The following IDNK variants were observed in gnomAD, a reference collection of about 807,000 sequenced individuals.
IDNK encodes the protein IDNK gluconokinase, also known as gluconokinase.
IDNK carries 9 observed loss-of-function variants against 13.0 expected under a neutral mutation model. The ratio of observed to expected loss-of-function variants is 0.69; its 90% confidence interval spans 0.42 to 1.21. IDNK has a LOEUF of 1.21. Among genes scored for constraint, IDNK ranks in the 50% most tolerant of loss-of-function variants. The pLI, the probability that IDNK is intolerant of heterozygous loss-of-function variation, is 0.00. For synonymous variants in IDNK, 92 were observed against 94.9 expected, an observed-to-expected ratio of 0.97 and a Z score of 0.18; for missense variants, 210 against 237.8, an observed-to-expected ratio of 0.88 and a Z score of 0.77.
Position 83,628,190 on chromosome 9 carries a change from G to A in IDNK, c.60G>A (p.Val20=). ...MGVSGSGKST[V]GALLASELGW... Reference sequence around the variant, plus strand: ...TGTGTCCTCTCCACAGATCCACCGTGGGCGCCCTGCTGGCATCTGAGGTTA... The same window carrying A: ...TGTGTCCTCTCCACAGATCCACCGTAGGCGCCCTGCTGGCATCTGAGGTTA... Residue 20 remains valine (V), a synonymous_variant, in exon 2 of 5, where the codon GTG becomes GTA. Coordinates refer to ENST00000376419, the MANE Select transcript of IDNK (RefSeq NM_001001551.4). 6.4e-7 allele frequency: 1 copy of A among 1,550,578 alleles called. No homozygotes were observed. The highest frequency in any genetic ancestry group is 1.2e-5 in the South Asian group (1 of 84,066).
chr9:83,643,454 G>T lies in IDNK; in HGVS notation c.238G>T (p.Val80Phe). 1.2e-6 allele frequency: 2 copies of T among 1,612,400 alleles called. No homozygotes were observed. Among genetic ancestry groups the T allele is most frequent in the South Asian group, 1.1e-5 (1 of 90,942 alleles). Residue 80 changes from valine (V) to phenylalanine (F), a missense_variant, in exon 5 of 5, where the codon GTT becomes TTT. By Grantham distance (50) the Val-to-Phe change is conservative. Coordinates refer to ENST00000376419, the MANE Select transcript of IDNK (RefSeq NM_001001551.4). Reference protein sequence around the residue: ...LRDVASGQRVVLACSALKKTY... With the variant: ...LRDVASGQRVFLACSALKKTY... The stretch of plus-strand genomic sequence containing the variant: ...AGATGTAGCCTCGGGACAGCGTGTG[G>T]TTCTAGCCTGTTCAGCCCTGAAGAA...
At chr9:83,642,525 CTTCA>C (rs1831339268) in intron 4 of IDNK, among the ~76,000 whole-genome samples, 2 of 148,544 alleles carry the variant, frequency 1.3e-5, no homozygotes, top group Admixed American at 6.7e-5. Context: ...AGGAGTATGG[CTTCA>C]TTTTTATATT....
intron 1 of IDNK, 45 bp from the exon 2 acceptor site, chr9:83,628,136 A>G: frequency 6.5e-7 from 1 of 1,550,228 alleles, no homozygotes. Flanking sequence ...GAAGCTCCAC[A>G]CATTGGGCAG....
intron 1 of IDNK, 94 bp downstream of exon 1, chr9:83,623,315 C>CCCCAAGACCCCAG: frequency 2.6e-6 from 3 of 1,149,380 alleles, no homozygotes; most frequent in Non-Finnish European, 2.3e-6. Context: ...GGACTGGGGT[C>CCCCAAGACCCCAG]TTGGGGACCC....
Position 83,632,992 on chromosome 9 carries a change from G to A in IDNK, c.168+4033G>A, listed in dbSNP as rs1295586033. Among the ~76,000 whole-genome samples, 7 of 152,298 alleles carry A rather than the reference G, an allele frequency of 4.6e-5. No homozygotes were observed. In the East Asian group the frequency reaches 9.6e-4, roughly 21 times the overall value. On this transcript the variant is annotated intron_variant, in intron 3 of 4. Transcript: ENST00000376419. ...CCACACTCCTTAGCAGGCCAGTCAA[G>A]GTCTTGAAATTATCTTTATCTTTTA...
intron 3 of IDNK, among the ~76,000 whole-genome samples, chr9:83,640,520 G>A (rs577043187): frequency 3.3e-5 from 5 of 152,242 alleles, no homozygotes; most frequent in South Asian, 2.1e-4. Context: ...GGGGGCATAC[G>A]TATAACAAGA....
At chr9:83,634,360 T>G (rs1831109263) in intron 3 of IDNK, among the ~76,000 whole-genome samples, 1 of 152,240 alleles carries the variant, frequency 6.6e-6, no homozygotes, top group South Asian at 2.1e-4. Flanking sequence ...TTATTATGGC[T>G]TTCATAGTTG....
Position 83,623,236 on chromosome 9 carries a change from G to C in IDNK, c.50+15G>C, listed in dbSNP as rs1449077591. The C allele has an allele frequency of 2.9e-6, 4 of 1,388,252 alleles. No homozygotes were observed. Among genetic ancestry groups the C allele is most frequent in the East Asian group, 6.2e-5 (2 of 32,400 alleles). The allele number at this position is 1,388,252 out of a possible 1,614,324, so 86.0% of individuals were successfully genotyped here. A position where few individuals can be genotyped will look rare whatever the true frequency, so the allele number is the denominator to read the frequency against. On this transcript the variant is annotated intron_variant, in intron 1 of 4. Coordinates refer to ENST00000376419, the MANE Select transcript of IDNK (RefSeq NM_001001551.4). ...GGCTCGGGGAAGTAGGTCCGGGAGA[G>C]GGCGGGGGGCGCCCGGGACAAGTGT...
At chr9:83,633,367 C>T (rs1395971823) in intron 3 of IDNK, among the ~76,000 whole-genome samples, 1 of 152,150 alleles carries the variant, frequency 6.6e-6, no homozygotes, top group Non-Finnish European at 1.5e-5. Flanking sequence ...GAAGATTGGC[C>T]TGTCCTCCTG....
intron 3 of IDNK, 38 bp downstream of exon 3, chr9:83,628,997 C>T: frequency 6.6e-7 from 1 of 1,525,690 alleles, no homozygotes; most frequent in South Asian, 1.1e-5. Context: ...ACATATTCCA[C>T]CTGGGTGACA....
intron 1 of IDNK, 79 bp downstream of exon 1, chr9:83,623,300 C>G (rs771395476): frequency 8.8e-5 from 111 of 1,254,988 alleles, no homozygotes; most frequent in Non-Finnish European, 9.9e-5. Flanking sequence ...GCCGTCCCTG[C>G]CGGTGGACTG....
intron 3 of IDNK, among the ~76,000 whole-genome samples, chr9:83,636,377 AT>A (rs1357072138): frequency 6.6e-6 from 1 of 152,216 alleles, no homozygotes. Context: ...AGGTCAGTCA[AT>A]CCAGCTAATT....
intron 3 of IDNK, among the ~76,000 whole-genome samples, chr9:83,630,917 GAAAAA>G (rs551350775): frequency 6.6e-6 from 1 of 150,568 alleles, no homozygotes; most frequent in East Asian, 2.0e-4. Context: ...AATTTTTTCA[GAAAAA>G]AAAACTACAA....
At chr9:83,639,788 T>C (rs1344913239) in intron 3 of IDNK, among the ~76,000 whole-genome samples, 2 of 152,200 alleles carry the variant, frequency 1.3e-5, no homozygotes, top group Non-Finnish European at 2.9e-5. Context: ...CAGCAGAAGG[T>C]CCAGAGAGCT....
Position 83,643,618 on chromosome 9 carries a change from C to CT in IDNK, c.404dup (p.Leu135PhefsTer12). 5.6e-6 allele frequency: 9 copies of CT among 1,614,036 alleles called. No individual in the cohort carries two copies. Among genetic ancestry groups the CT allele is most frequent in the Non-Finnish European group, 7.6e-6 (9 of 1,180,022 alleles). On this transcript the variant is annotated frameshift_variant, in exon 5 of 5. Coordinates refer to ENST00000376419, the MANE Select transcript of IDNK (RefSeq NM_001001551.4). LOFTEE classifies it high-confidence loss of function. Reference sequence around the variant, plus strand: ...GGTCGTTTGAGGTCATCTCTGGACGCTTACTCAAAAGAGAGGGACATTTTA... The same window carrying CT: ...GGTCGTTTGAGGTCATCTCTGGACGCTTTACTCAAAAGAGAGGGACATTTTA...
chr9:83,632,192 T>TCTCCCCGCCATTCCCA (rs544516469), intron 3 of IDNK, among the ~76,000 whole-genome samples: 5,283 of 151,950 alleles, frequency 0.035, 149 homozygotes, highest in Non-Finnish European at 0.052. Flanking sequence ...AACACACCCA[T>TCTCCCCGCCATTCCCA]CTCCCCGCCA....
At chr9:83,627,412 T>C (rs773620399) in intron 1 of IDNK, among the ~76,000 whole-genome samples, 1 of 152,098 alleles carries the variant, frequency 6.6e-6, no homozygotes, top group Non-Finnish European at 1.5e-5. Flanking sequence ...AGAAATGAAA[T>C]GTAGGTGGAT....
intron 3 of IDNK, among the ~76,000 whole-genome samples, chr9:83,629,740 G>C (rs1040398271): frequency 6.6e-6 from 1 of 152,356 alleles, no homozygotes; most frequent in South Asian, 2.1e-4. Context: ...CTGAGAATTT[G>C]ATTAATGTTT....
At chr9:83,630,831 A>C (rs1197847903) in intron 3 of IDNK, among the ~76,000 whole-genome samples, 2 of 152,016 alleles carry the variant, frequency 1.3e-5, no homozygotes, top group Non-Finnish European at 2.9e-5. Flanking sequence ...GACTCTATGG[A>C]TTGGGGGGTA....
Sources: allele counts gnomAD v4.1 joint callset (sites outside exome capture counted in the v4.1 genomes callset), GRCh38; gene constraint gnomAD v4.1.1; transcripts MANE v1.5; gene names NCBI Gene and HGNC (gene_info 2026-07-23, HGNC 2026-07-21).